The following RGPD1 variants were observed in gnomAD, a reference collection of about 807,000 sequenced individuals.
RGPD1 encodes the protein RANBP2-like and GRIP domain-containing protein 1.
Under a neutral mutation model 40.6 loss-of-function variants are expected in RGPD1, and 7 were observed. The observed-to-expected ratio is 0.17, with a 90% CI of 0.10 to 0.32. RGPD1 has a LOEUF of 0.32. RGPD1 is among the 10% of genes least tolerant of loss of function. RGPD1 has a pLI of 1.00. For missense variants in RGPD1, 50 were observed against 472.5 expected, an observed-to-expected ratio of 0.11 and a Z score of 8.29; for synonymous variants, 24 against 167.0, an observed-to-expected ratio of 0.14 and a Z score of 6.60.
At chr2:86,927,391 TAAAC>T (rs1389086380) in intron 1 of RGPD1, among the ~76,000 whole-genome samples, 7 of 148,914 alleles carry the variant, frequency 4.7e-5, no homozygotes, top group Non-Finnish European at 1.5e-5. Context: ...CAACCTCTCA[TAAAC>T]AAATTATTTC....
intron 4 of RGPD1, among the ~76,000 whole-genome samples, chr2:86,954,739 G>A (rs1456292021): frequency 2.0e-5 from 3 of 149,550 alleles, no homozygotes; most frequent in African/African-American, 4.9e-5. Flanking sequence ...TCAAAATCAG[G>A]AATTTTGACA....
upstream of RGPD1, among the ~76,000 whole-genome samples, chr2:86,941,140 A>G (rs1221335857): frequency 6.6e-6 from 1 of 152,220 alleles, no homozygotes; most frequent in African/African-American, 2.4e-5. Flanking sequence ...ATATTTGTCC[A>G]CATAATTAAG....
intron 16 of RGPD1, 26 bp from the exon 17 acceptor site, chr2:86,977,820 CTT>C (rs1558811555): frequency 3.0e-6 from 1 of 330,374 alleles, no homozygotes; most frequent in Non-Finnish European, 5.3e-6. Context: ...TTTAAATGCT[CTT>C]TTGTTATTTT....
intron 1 of RGPD1, among the ~76,000 whole-genome samples, chr2:86,923,069 GTTC>G (rs992341562): frequency 9.1e-6 from 1 of 110,248 alleles, no homozygotes; most frequent in African/African-American, 3.7e-5. Context: ...ACGGAGTATC[GTTC>G]TTGTTGCCCG....
upstream of RGPD1, among the ~76,000 whole-genome samples, chr2:86,939,009 ACAT>A (rs1163999187): frequency 3.5e-5 from 4 of 113,938 alleles, no homozygotes; most frequent in Admixed American, 9.5e-5. Context: ...GGATAGCAAA[ACAT>A]CATGTTGTAC....
chr2:86,918,539 A>G (rs1168521595), intron 1 of RGPD1, among the ~76,000 whole-genome samples: 1 of 138,942 alleles, frequency 7.2e-6, no homozygotes, highest in Non-Finnish European at 1.5e-5. Flanking sequence ...AGCTCACTAC[A>G]GGCTCTGCCT....
At chr2:86,918,456 T>C (rs1179062513) in intron 1 of RGPD1, among the ~76,000 whole-genome samples, 2 of 113,074 alleles carry the variant, frequency 1.8e-5, no homozygotes, top group Non-Finnish European at 1.7e-5. Context: ...ACCAAATCTT[T>C]TTTTTTTTTT....
At chr2:86,924,550 C>T (rs368415294) in intron 1 of RGPD1, among the ~76,000 whole-genome samples, 6 of 150,380 alleles carry the variant, frequency 4.0e-5, no homozygotes, top group African/African-American at 1.5e-4. Flanking sequence ...GCTGTAATCT[C>T]GAACTCATAG....
At chr2:86,923,492 T>C (rs568235843) in intron 1 of RGPD1, among the ~76,000 whole-genome samples, 27 of 152,024 alleles carry the variant, frequency 1.8e-4, no homozygotes, top group African/African-American at 5.8e-4. Flanking sequence ...AGAATATTTT[T>C]ATAACTCCAT....
In RGPD1 at chr2:86,942,210, C is replaced by A. The variant is rs1025227487; in HGVS notation, c.-27C>A. The stretch of plus-strand genomic sequence containing the variant: ...TGCGGGGCTGAGCGCTGGTTTCACG[C>A]GTCTCGGGAGCCAGGTTGGCGGTGC... On this transcript the variant is annotated 5_prime_UTR_variant, in exon 1 of 23. Coordinates refer to ENST00000641458, the MANE Select transcript of RGPD1 (RefSeq NM_001382344.1). The A allele has an allele frequency of 5.0e-6, 8 of 1,591,734 alleles. No individual in the cohort carries two copies. The highest frequency in any genetic ancestry group is 1.7e-5 in the Admixed American group (1 of 57,858).
rs1480681019 is a variant in RGPD1, at chr2:86,955,912, G to A, written c.403-1794G>A. Among the ~76,000 whole-genome samples the A allele has an allele frequency of 4.0e-5, 6 of 149,838 alleles. No homozygotes were observed. The East Asian group carries it at 9.8e-4, about 25-fold the overall frequency. ...AGTAGTGTTAAAGAACATATGTAAT[G>A]GCAGGAGATTGTTTTCTTGCAGTGT... On this transcript the variant is annotated intron_variant, in intron 4 of 22. Coordinates refer to ENST00000641458, the MANE Select transcript of RGPD1 (RefSeq NM_001382344.1).
In RGPD1 at chr2:86,942,317, A is replaced by G. The variant is rs1020627323; in HGVS notation, c.72+9A>G. ...CCCCGTCGCCTGGAAAGGTGAGTGG[A>G]TCTCGAAGAGACCGACGGCCTCGAC... On this transcript the variant is annotated intron_variant, in intron 1 of 22. Coordinates refer to ENST00000641458, the MANE Select transcript of RGPD1 (RefSeq NM_001382344.1). The G allele has an allele frequency of 6.4e-7, 1 of 1,551,538 alleles. No individual in the cohort carries two copies. The highest frequency in any genetic ancestry group is 2.4e-5 in the East Asian group (1 of 40,820).
At chr2:86,942,508 G>GCCGGGCGGCGGCGGCGGCCTCGACCTGA (rs1679911867) in intron 1 of RGPD1, among the ~76,000 whole-genome samples, 200 bp downstream of exon 1, 2 of 133,310 alleles carry the variant, frequency 1.5e-5, no homozygotes, top group Non-Finnish European at 3.3e-5. Flanking sequence ...CCTCGACCTG[G>GCCGGGCGGCGGCGGCGGCCTCGACCTGA]CCGGGCGGCG....
intron 21 of RGPD1, among the ~76,000 whole-genome samples, chr2:86,996,462 GCCT>G (rs1399553157): frequency 1.3e-5 from 1 of 79,520 alleles, no homozygotes; most frequent in African/African-American, 5.1e-5. Context: ...GCCTGCCTCA[GCCT>G]CCCAAAGTGT....
At chr2:86,944,928 A>G (rs1049978677) in intron 1 of RGPD1, among the ~76,000 whole-genome samples, 1 of 151,750 alleles carries the variant, frequency 6.6e-6, no homozygotes, top group Non-Finnish European at 1.5e-5. Flanking sequence ...CATGTTACCC[A>G]GGCTGGTCTC....
chr2:86,938,541 C>G (rs1558795791), upstream of RGPD1, among the ~76,000 whole-genome samples: 1 of 149,858 alleles, frequency 6.7e-6, no homozygotes, highest in Non-Finnish European at 1.5e-5. Context: ...AACGCCTAGA[C>G]TCAATCAAGT....
intron 1 of RGPD1, among the ~76,000 whole-genome samples, chr2:86,931,945 G>GTAT (rs1403882890): frequency 6.8e-6 from 1 of 146,106 alleles, no homozygotes; most frequent in Non-Finnish European, 1.5e-5. Context: ...ATATATTTAT[G>GTAT]TATTATATTC....
chr2:86,978,116 C>G (rs1476472384), intron 17 of RGPD1, among the ~76,000 whole-genome samples, 185 bp downstream of exon 17: 2 of 119,194 alleles, frequency 1.7e-5, no homozygotes, highest in Non-Finnish European at 3.5e-5. Context: ...GGCTGCAGTA[C>G]AGTGGTATGA....
intron 1 of RGPD1, among the ~76,000 whole-genome samples, chr2:86,929,432 C>T (rs1239101849): frequency 6.6e-6 from 1 of 151,662 alleles, no homozygotes; most frequent in African/African-American, 2.4e-5. Flanking sequence ...AGTGTCAGAG[C>T]GATCAGACAC....
Sources: gnomAD v4.1 joint callset for allele counts (sites outside exome capture counted in the v4.1 genomes callset) on GRCh38, gnomAD v4.1.1 for gene constraint, MANE v1.5 for transcripts, NCBI Gene and HGNC (gene_info 2026-07-23, HGNC 2026-07-21) for gene names.